Variants in PLAC1 observed in about 807,000 individuals in gnomAD.
PLAC1 encodes placenta-specific protein 1.
For synonymous variants in PLAC1, 68 were observed against 62.1 expected (o/e 1.09, Z -0.44); for missense variants, 136 against 163.2 (o/e 0.83, Z 0.91).
intron 2 of PLAC1, among the ~76,000 whole-genome samples, chrX:134,572,177 A>G (rs2077911467): frequency 9.0e-6 from 1 of 111,582 alleles, no homozygotes; most frequent in Non-Finnish European, 1.9e-5. Flanking sequence ...AAGAACGGAA[A>G]AAAAGGAATC....
chrX:134,646,853 C>T (rs746141410), intron 1 of PLAC1, among the ~76,000 whole-genome samples: 36 of 112,170 alleles, frequency 3.2e-4, no homozygotes, highest in African/African-American at 1.1e-3. Flanking sequence ...CCAAACGGCC[C>T]TGGATCAAGA....
At chrX:134,624,087 G>A (rs775717657) in intron 1 of PLAC1, among the ~76,000 whole-genome samples, 8 of 111,471 alleles carry the variant, frequency 7.2e-5, no homozygotes, top group African/African-American at 2.3e-4. Context: ...CATGCAGATC[G>A]AGGGCCAGGA....
chrX:134,698,165 C>T (rs1375501873), intron 2 of PLAC1, among the ~76,000 whole-genome samples: 3 of 111,352 alleles, frequency 2.7e-5, no homozygotes, highest in Non-Finnish European at 5.7e-5. Context: ...TATAAAAATA[C>T]TGTGGGCCAG....
chrX:134,639,679 C>A (rs2124424743), intron 1 of PLAC1, among the ~76,000 whole-genome samples: 1 of 111,958 alleles, frequency 8.9e-6, no homozygotes, highest in East Asian at 2.8e-4. Context: ...CTATCTAGTT[C>A]CAAAACATTT....
intron 2 of PLAC1, among the ~76,000 whole-genome samples, chrX:134,589,918 G>T (rs373458069): frequency 2.7e-5 from 3 of 110,395 alleles, no homozygotes; most frequent in African/African-American, 9.9e-5. Flanking sequence ...CAAATGGGCC[G>T]GGCGCGGTGG....
At position 134,629,444 on chromosome X, in the gene PLAC1, C is replaced by CATT. The variant is rs760396354; in HGVS notation, c.-130-27325_-130-27323dup. Among the ~76,000 whole-genome samples, 76 of 110,694 alleles carry CATT rather than the reference C, an allele frequency of 6.9e-4. No individual in the cohort carries two copies. In the East Asian group the frequency reaches 9.6e-3, roughly 14 times the overall value. ...CCATTTATTTGAATTCAGGCGGTCC[C>CATT]ATTATTATTATTATTATTATTGAAG... On this transcript the variant is annotated intron_variant, in intron 1 of 2. Transcript: ENST00000359237.
chrX:134,614,721 A>G (rs1465922851), intron 1 of PLAC1, among the ~76,000 whole-genome samples: 1 of 111,604 alleles, frequency 9.0e-6, no homozygotes, highest in East Asian at 2.8e-4. Context: ...TGTAGCTTCA[A>G]ACTCTTGGGC....
chrX:134,607,506 CA>C, intron 1 of PLAC1: 1 of 164,032 alleles, frequency 6.1e-6, no homozygotes. Context: ...AAAAGGAAGC[CA>C]AAGAGAAAGG....
chrX:134,620,501 T>C (rs1426253186), intron 1 of PLAC1, among the ~76,000 whole-genome samples: 2 of 112,366 alleles, frequency 1.8e-5, no homozygotes, highest in African/African-American at 6.5e-5. Context: ...AGATCCTATG[T>C]GGTGGTCCTA....
chrX:134,575,536 A>C (rs1426348220), intron 2 of PLAC1, among the ~76,000 whole-genome samples: 1 of 109,581 alleles, frequency 9.1e-6, no homozygotes, highest in Admixed American at 9.8e-5. Context: ...TTAGGAGGCC[A>C]AGGCGGGTAG....
At chrX:134,590,402 T>G (rs1226920169) in intron 2 of PLAC1, among the ~76,000 whole-genome samples, 1 of 110,937 alleles carries the variant, frequency 9.0e-6, no homozygotes, top group East Asian at 2.8e-4. Context: ...ACACAGGGTT[T>G]CTACATTAAT....
chrX:134,714,966 A>C (rs1232177386), intron 2 of PLAC1, among the ~76,000 whole-genome samples: 1 of 111,818 alleles, frequency 8.9e-6, no homozygotes, highest in Non-Finnish European at 1.9e-5. Context: ...ATGCACACCC[A>C]AAGTGCTGAA....
intron 1 of PLAC1, among the ~76,000 whole-genome samples, chrX:134,630,639 T>A (rs1450239993): frequency 8.9e-6 from 1 of 111,890 alleles, no homozygotes; most frequent in Non-Finnish European, 1.9e-5. Flanking sequence ...AGTATGTTGC[T>A]TCTAAGTAAG....
chrX:134,709,478 T>A (rs1044141351), intron 2 of PLAC1, among the ~76,000 whole-genome samples: 3 of 111,598 alleles, frequency 2.7e-5, no homozygotes, highest in Non-Finnish European at 3.8e-5. Context: ...ATATTAAAAT[T>A]AGGTGGGTGT....
At chrX:134,577,642 C>T (rs773541208) in intron 2 of PLAC1, among the ~76,000 whole-genome samples, 28 of 109,663 alleles carry the variant, frequency 2.6e-4, no homozygotes, top group Non-Finnish European at 4.6e-4. Flanking sequence ...GAGCTGAGGT[C>T]GCGCCACTGC....
intron 2 of PLAC1, among the ~76,000 whole-genome samples, chrX:134,707,795 ATTGT>A (rs1465997281): frequency 6.2e-5 from 7 of 112,423 alleles, no homozygotes; most frequent in South Asian, 3.7e-4. Context: ...AAAGTAAAAC[ATTGT>A]TTGATAGTTT....
At chrX:134,648,114 G>T (rs1194948216) in intron 1 of PLAC1, among the ~76,000 whole-genome samples, 2 of 110,930 alleles carry the variant, frequency 1.8e-5, no homozygotes, top group African/African-American at 6.6e-5. Flanking sequence ...CCTTTTATTT[G>T]AAAGACCTTA....
At chrX:134,675,805 GA>G (rs1230476676) in intron 2 of PLAC1, among the ~76,000 whole-genome samples, 1 of 111,926 alleles carries the variant, frequency 8.9e-6, no homozygotes, top group East Asian at 2.8e-4. Flanking sequence ...AAGCAGAGAT[GA>G]AGAGTCTGAA....
chrX:134,751,031 G>A (rs1474192008), intron 1 of PLAC1, among the ~76,000 whole-genome samples: 1 of 82,740 alleles, frequency 1.2e-5, no homozygotes, highest in African/African-American at 5.1e-5. Flanking sequence ...GTTGAGGCAG[G>A]AGAATCGCTT....
Sources: gnomAD v4.1 joint callset for allele counts (sites outside exome capture counted in the v4.1 genomes callset) on GRCh38, gnomAD v4.1.1 for gene constraint, MANE v1.5 for transcripts, NCBI Gene and HGNC (gene_info 2026-07-23, HGNC 2026-07-21) for gene names.